The following MAN1C1 variants were observed in gnomAD, a reference collection of about 807,000 sequenced individuals.
The protein encoded by MAN1C1 is mannosidase alpha class 1C member 1.
MAN1C1 carries 49 observed loss-of-function variants against 71.5 expected under a neutral mutation model. The observed-to-expected ratio is 0.69, with a 90% CI of 0.54 to 0.87. The LOEUF is 0.87. Among genes scored for constraint, MAN1C1 ranks in the 40% least tolerant of loss-of-function variants. MAN1C1 has a pLI of 0.00. For synonymous variants in MAN1C1, 352 were observed against 343.7 expected, an observed-to-expected ratio of 1.02 and a Z score of -0.27; for missense variants, 743 against 835.0, an observed-to-expected ratio of 0.89 and a Z score of 1.36.
chr1:25,694,856 G>A (rs1477904543), intron 2 of MAN1C1, among the ~76,000 whole-genome samples: 1 of 152,174 alleles, frequency 6.6e-6, no homozygotes, highest in African/African-American at 2.4e-5. Flanking sequence ...ATATGCCTGG[G>A]TTTAAATCCC....
In MAN1C1 at chr1:25,769,249, C is replaced by A. The variant is rs1015017598; in HGVS notation, c.1142-2408C>A. Among the ~76,000 whole-genome samples the A allele has an allele frequency of 1.4e-5, 2 of 139,888 alleles. No homozygotes were observed. The highest frequency in any genetic ancestry group is 7.2e-5 in the Admixed American group (1 of 13,850). 91.8% of individuals were successfully genotyped at this position (139,888 alleles called of 152,430 possible). A position where few individuals can be genotyped will look rare whatever the true frequency, so the allele number is the denominator to read the frequency against. ...CCCCTCATACACTACACACCACACT[C>A]CTTGACACACACACACTCTCCCTAC... is the stretch of plus-strand genomic sequence containing the variant. On this transcript the variant is annotated intron_variant, in intron 7 of 11. Coordinates refer to ENST00000374332, the MANE Select transcript of MAN1C1 (RefSeq NM_020379.4). This position sits in a 1 kb window ranked among gnomAD's most constrained non-coding sequence, Gnocchi z 4.8.
At chr1:25,636,715 A>G (rs1467764996) in intron 1 of MAN1C1, among the ~76,000 whole-genome samples, 1 of 152,254 alleles carries the variant, frequency 6.6e-6, no homozygotes, top group Non-Finnish European at 1.5e-5. Context: ...GCCTATGAAG[A>G]TAACGGGATT....
Position 25,616,879 on chromosome 1 carries a change from A to AGCGGCCGGTCTGGAGCGGCC in MAN1C1, c.-916_-897dup, listed in dbSNP as rs2045104228. 1.3e-5 allele frequency among the ~76,000 whole-genome samples: 2 copies of AGCGGCCGGTCTGGAGCGGCC among 148,212 alleles called. No individual in the cohort carries two copies. Among genetic ancestry groups the AGCGGCCGGTCTGGAGCGGCC allele is most frequent in the African/African-American group, 2.4e-5 (1 of 40,876 alleles). ...GCGTGTGGGGCGCAGGCTCGGCGGC[A>AGCGGCCGGTCTGGAGCGGCC]GCGGCCGGTCTGGAGCGGCCGCTGC... On this transcript the variant is annotated 5_prime_UTR_variant, in exon 1 of 12. Transcript: ENST00000374332. This position sits in a 1 kb window ranked among gnomAD's most constrained non-coding sequence, Gnocchi z 5.6.
At chr1:25,646,945 G>T (rs2045623235) in intron 1 of MAN1C1, among the ~76,000 whole-genome samples, 1 of 152,214 alleles carries the variant, frequency 6.6e-6, no homozygotes, top group Non-Finnish European at 1.5e-5. Flanking sequence ...GAGTGGGATT[G>T]CTGGGTCATA....
chr1:25,747,893 T>C (rs2047152334), intron 3 of MAN1C1, among the ~76,000 whole-genome samples: 2 of 152,164 alleles, frequency 1.3e-5, no homozygotes, highest in African/African-American at 4.8e-5. Flanking sequence ...CCGCATTTTA[T>C]AACACTATGA....
At chr1:25,629,174 G>GT (rs1354688580) in intron 1 of MAN1C1, among the ~76,000 whole-genome samples, 1 of 152,184 alleles carries the variant, frequency 6.6e-6, no homozygotes, top group Non-Finnish European at 1.5e-5. Context: ...TCTCCATACT[G>GT]TTTTCCATAG....
chr1:25,707,591 C>T (rs894303728), intron 2 of MAN1C1, among the ~76,000 whole-genome samples: 3 of 152,210 alleles, frequency 2.0e-5, no homozygotes, highest in African/African-American at 7.2e-5. Flanking sequence ...GCCTCTTCCT[C>T]CTTATCATCA....
intron 6 of MAN1C1, chr1:25,758,991 G>C: frequency 2.6e-6 from 1 of 379,446 alleles, no homozygotes; most frequent in Non-Finnish European, 4.9e-6. Context: ...CGTGAGCTCA[G>C]TGGCAACCAC....
intron 2 of MAN1C1, among the ~76,000 whole-genome samples, chr1:25,686,964 G>A (rs1469239215): frequency 6.6e-6 from 1 of 152,132 alleles, no homozygotes; most frequent in African/African-American, 2.4e-5. Flanking sequence ...TGATGGGGCT[G>A]GGTACATGCT....
At chr1:25,633,807 T>G (rs1461541967) in intron 1 of MAN1C1, among the ~76,000 whole-genome samples, 1 of 152,146 alleles carries the variant, frequency 6.6e-6, no homozygotes, top group Non-Finnish European at 1.5e-5. Context: ...TGCTGTTCCA[T>G]TTATCATGTT....
chr1:25,660,952 A>G (rs1214285952), intron 1 of MAN1C1, among the ~76,000 whole-genome samples: 1 of 152,172 alleles, frequency 6.6e-6, no homozygotes, highest in Non-Finnish European at 1.5e-5. Context: ...CAGCCTCCCA[A>G]AGTGCTGGCA....
rs369268605 is a variant in MAN1C1 at position 25,781,003 on chromosome 1, T to A, written c.1541T>A (p.Leu514Gln). The change falls in exon 10 of 12, where the codon CTG (leucine) becomes CAG (glutamine). Residue 514 changes from leucine (L) to glutamine (Q), a missense_variant. By Grantham distance (113) the Leu-to-Gln change is moderately radical (BLOSUM62 -2). Coordinates refer to ENST00000374332, the MANE Select transcript of MAN1C1 (RefSeq NM_020379.4). ...NSGREAVATQ[L>Q]SESYYILRPE... is the part of the protein sequence containing the mutation. ...GGCAGAGAGGCCGTGGCCACCCAGCTGAGCGAGAGCTACTACATCCTCCGG... is the reference window on the plus strand; with the variant it reads ...GGCAGAGAGGCCGTGGCCACCCAGCAGAGCGAGAGCTACTACATCCTCCGG... 2.5e-6 allele frequency: 4 copies of A among 1,614,052 alleles called. No homozygotes were observed. Among genetic ancestry groups the A allele is most frequent in the Non-Finnish European group, 3.4e-6 (4 of 1,180,034 alleles).
At chr1:25,637,061 A>G (rs2045472487) in intron 1 of MAN1C1, among the ~76,000 whole-genome samples, 2 of 152,176 alleles carry the variant, frequency 1.3e-5, no homozygotes, top group Admixed American at 1.3e-4. Flanking sequence ...CGGCTGAGGC[A>G]GGAGAATCAC....
rs140525751 is a variant in MAN1C1, at chr1:25,704,452, AG to A, written c.637+17919del. ...ATGTGGCTCCCAATGTGGAGATAAG[AG>A]GGAAGCAGTAGCGACATCTGGGCAT... On this transcript the variant is annotated intron_variant, in intron 2 of 11. Coordinates refer to ENST00000374332, the MANE Select transcript of MAN1C1 (RefSeq NM_020379.4). Among the ~76,000 whole-genome samples, 710 of 152,318 alleles carry A rather than the reference AG, an allele frequency of 4.7e-3. 14 individuals are homozygous for A. In the East Asian group the frequency reaches 0.057, roughly 12 times the overall value.
chr1:25,618,117 G>A lies in MAN1C1; in HGVS notation c.320G>A (p.Gly107Glu), dbSNP rs927612154. 3 of 1,513,508 alleles carry A rather than the reference G, an allele frequency of 2.0e-6. No homozygotes were observed. In the East Asian group the frequency reaches 7.8e-5, roughly 39 times the overall value. 93.8% of individuals were successfully genotyped at this position (1,513,508 alleles called of 1,614,324 possible). ...SSWASPRRRK[G>E]GLRRTRPTGP... The stretch of plus-strand genomic sequence containing the variant: ...TGGGCCAGTCCCCGCCGCAGGAAAG[G>A]GGGGCTGCGGCGCACCCGCCCCACT... Residue 107 changes from glycine (G) to glutamate (E), a missense_variant, in exon 1 of 12, where the codon GGG (glycine) becomes GAG (glutamate). Gly to Glu is a moderately conservative substitution (Grantham distance 98). Transcript: ENST00000374332.
intron 1 of MAN1C1, among the ~76,000 whole-genome samples, chr1:25,668,646 C>T (rs1365433828): frequency 6.6e-6 from 1 of 151,774 alleles, no homozygotes; most frequent in Non-Finnish European, 1.5e-5. Context: ...ACCTCCGCCT[C>T]CTGGGTTCAC....
intron 11 of MAN1C1, 118 bp from the exon 12 acceptor site, chr1:25,783,545 C>T (rs1467384051): frequency 1.7e-6 from 2 of 1,199,396 alleles, no homozygotes; most frequent in African/African-American, 3.0e-5. Context: ...GGTTGCAAGG[C>T]TCCAGACCTT....
At chr1:25,667,536 G>A (rs1388809987) in intron 1 of MAN1C1, among the ~76,000 whole-genome samples, 1 of 146,896 alleles carries the variant, frequency 6.8e-6, no homozygotes, top group Non-Finnish European at 1.5e-5. Context: ...AATGAAACTT[G>A]AAGATCTGAG....
Position 25,616,935 on chromosome 1 carries a change from G to A in MAN1C1, c.-863G>A, listed in dbSNP as rs1304140174. Among the ~76,000 whole-genome samples, 1 of 150,860 alleles carries A rather than the reference G, an allele frequency of 6.6e-6. No homozygotes were observed. The highest frequency in any genetic ancestry group is 2.1e-4 in the South Asian group (1 of 4,816). ...AGACAGCTGCAGCGGGGGAGGCGCGGCCAGGGCTGCGCGCTCCGCGGAGCC... is the reference window on the plus strand; with the variant it reads ...AGACAGCTGCAGCGGGGGAGGCGCGACCAGGGCTGCGCGCTCCGCGGAGCC... On this transcript the variant is annotated 5_prime_UTR_variant, in exon 1 of 12. Coordinates refer to ENST00000374332, the MANE Select transcript of MAN1C1 (RefSeq NM_020379.4). The surrounding 1 kb of genome is among the most constrained non-coding windows in gnomAD (Gnocchi z 5.6).
Sources: allele counts gnomAD v4.1 joint callset (sites outside exome capture counted in the v4.1 genomes callset), GRCh38; gene constraint gnomAD v4.1.1; non-coding constraint Gnocchi (gnomAD v3.1); transcripts MANE v1.5; gene names NCBI Gene and HGNC (gene_info 2026-07-23, HGNC 2026-07-21).